SSR1: variants seen among roughly 807,000 people sequenced by gnomAD.
SSR1 encodes the protein signal sequence receptor subunit 1.
In SSR1, 13 loss-of-function variants were observed where a neutral mutation model predicts 36.1. The observed-to-expected ratio is 0.36, with a 90% CI of 0.23 to 0.57. The LOEUF (loss-of-function observed/expected upper bound fraction) is 0.57. Among genes scored for constraint, SSR1 ranks in the 20% least tolerant of loss-of-function variants. SSR1 has a pLI of 0.81. For synonymous variants in SSR1, 113 were observed against 118.9 expected, an observed-to-expected ratio of 0.95 and a Z score of 0.32; for missense variants, 291 against 338.5, an observed-to-expected ratio of 0.86 and a Z score of 1.10.
In SSR1 at chr6:7,303,590, T is replaced by A. The variant is rs1221331914; in HGVS notation, c.240A>T (p.Ser80=). The A allele has an allele frequency of 6.2e-7, 1 of 1,613,462 alleles. No homozygotes were observed. The highest frequency in any genetic ancestry group is 8.5e-7 in the Non-Finnish European group (1 of 1,179,840). ...EEDVSGEPEA[S]PSADTTILFV... Reference sequence around the variant, plus strand: ...ACAGTATAGTTGTATCTGCACTCGGTGAAGCTTCAGGTTCACCAGACACAT... The same window carrying A: ...ACAGTATAGTTGTATCTGCACTCGGAGAAGCTTCAGGTTCACCAGACACAT... The change falls in exon 3 of 8, where the codon TCA becomes TCT. Residue 80 remains serine, a synonymous_variant. Transcript: ENST00000244763.
At position 7,284,599 on chromosome 6, in the gene SSR1, C is replaced by G. The variant is rs992170685; in HGVS notation, c.*5265G>C. 6.6e-6 allele frequency: 1 copy of G among 152,134 alleles called. No homozygotes were observed. Among genetic ancestry groups the G allele is most frequent in the Admixed American group, 6.5e-5 (1 of 15,274 alleles). The allele number at this position is 152,134 out of a possible 1,614,324, so 9.4% of individuals were successfully genotyped here. ...AGGCAATGTTCTAAGCAGCTACACACAGTAACTCCTAACAACCTTAGGAGG... is the reference window on the plus strand; with the variant it reads ...AGGCAATGTTCTAAGCAGCTACACAGAGTAACTCCTAACAACCTTAGGAGG... On this transcript the variant is annotated 3_prime_UTR_variant, in exon 8 of 8. Transcript: ENST00000244763.
chr6:7,313,113 A>C lies in SSR1; in HGVS notation c.8T>G (p.Leu3Arg). Residue 3 changes from leucine to arginine, a missense_variant, in exon 1 of 8, where the codon CTC becomes CGC. Coordinates refer to ENST00000244763, the MANE Select transcript of SSR1 (RefSeq NM_003144.5). ...GAGAAGCAGCAGCAAGCGGGGGAGG[A>C]GTCTCATGGCGCTGCCGGTCCAGTG... MR[L>R]LPRLLLLLLL... The C allele has an allele frequency of 6.2e-7, 1 of 1,605,608 alleles. No individual in the cohort carries two copies. Among genetic ancestry groups the C allele is most frequent in the Non-Finnish European group, 8.5e-7 (1 of 1,175,942 alleles).
At chr6:7,295,194 C>A (rs1757765636) in intron 7 of SSR1, 198 bp downstream of exon 7, 1 of 1,394,714 alleles carries the variant, frequency 7.2e-7, no homozygotes, top group Admixed American at 2.7e-5. Context: ...GGAAGAATTT[C>A]CAAATTAAAG....
Position 7,281,737 on chromosome 6 carries a change from T to C in SSR1, c.*8127A>G, listed in dbSNP as rs576662056. 1 of 152,336 alleles carries C rather than the reference T, an allele frequency of 6.6e-6. No homozygotes were observed. Among genetic ancestry groups the C allele is most frequent in the African/African-American group, 2.4e-5 (1 of 41,578 alleles). 9.4% of individuals were successfully genotyped at this position (152,336 alleles called of 1,614,324 possible). A position where few individuals can be genotyped will look rare whatever the true frequency, so the allele number is the denominator to read the frequency against. Reference sequence around the variant, plus strand: ...GATTTCAGGTTGGATAAACGAGTCATGTTGAATGACAAAAAGTTAGACTGG... The same window carrying C: ...GATTTCAGGTTGGATAAACGAGTCACGTTGAATGACAAAAAGTTAGACTGG... On this transcript the variant is annotated 3_prime_UTR_variant, in exon 8 of 8. Transcript: ENST00000244763.
intron 2 of SSR1, among the ~76,000 whole-genome samples, chr6:7,309,500 T>C (rs911072004): frequency 7.4e-6 from 1 of 135,380 alleles, no homozygotes; most frequent in Non-Finnish European, 1.6e-5. Flanking sequence ...AGATGTACTA[T>C]TGATAACGGT....
At chr6:7,311,518 G>C (rs899533069) in intron 1 of SSR1, among the ~76,000 whole-genome samples, 1 of 152,312 alleles carries the variant, frequency 6.6e-6, no homozygotes, top group African/African-American at 2.4e-5. Context: ...ATGAACTAAA[G>C]AGATTTCACT....
Position 7,289,730 on chromosome 6 carries a change from AC to A in SSR1, c.*133del. 1 of 738,308 alleles carries A rather than the reference AC, an allele frequency of 1.4e-6. No homozygotes were observed. The highest frequency in any genetic ancestry group is 1.9e-5 in the South Asian group (1 of 51,668). 45.7% of individuals were successfully genotyped at this position (738,308 alleles called of 1,614,324 possible). A position where few individuals can be genotyped will look rare whatever the true frequency, so the allele number is the denominator to read the frequency against. ...ATTTTCAGCAATATTATCGCCACAGACTCTGATTGCTCAGTCCACACACAAG... is the reference window on the plus strand; with the variant it reads ...ATTTTCAGCAATATTATCGCCACAGATCTGATTGCTCAGTCCACACACAAG... On this transcript the variant is annotated 3_prime_UTR_variant, in exon 8 of 8. Transcript: ENST00000244763.
intron 2 of SSR1, among the ~76,000 whole-genome samples, chr6:7,308,713 C>T (rs977504623): frequency 1.3e-5 from 2 of 150,972 alleles, no homozygotes; most frequent in Non-Finnish European, 2.9e-5. Flanking sequence ...TTGTCTGCTT[C>T]TCACCCCCTG....
chr6:7,308,739 T>C (rs1473277176), intron 2 of SSR1, among the ~76,000 whole-genome samples: 1 of 124,434 alleles, frequency 8.0e-6, no homozygotes, highest in South Asian at 2.4e-4. Flanking sequence ...AAAACACATA[T>C]AACTGCCCCA....
At chr6:7,309,632 G>A (rs1367736778) in intron 2 of SSR1, among the ~76,000 whole-genome samples, 2 of 152,222 alleles carry the variant, frequency 1.3e-5, no homozygotes, top group African/African-American at 4.8e-5. Flanking sequence ...CTGTTCTCGT[G>A]AAAGTGAGTT....
At chr6:7,299,554 C>T (rs1257527219) in intron 4 of SSR1, among the ~76,000 whole-genome samples, 1 of 151,874 alleles carries the variant, frequency 6.6e-6, no homozygotes, top group African/African-American at 2.4e-5. Context: ...CAAAATTAGC[C>T]GGGTATGGTT....
chr6:7,306,743 C>A (rs1014929209), intron 2 of SSR1, among the ~76,000 whole-genome samples: 3 of 151,572 alleles, frequency 2.0e-5, no homozygotes, highest in Admixed American at 6.6e-5. Context: ...GGTGAAACCC[C>A]GTCTCTACTA....
In SSR1 at chr6:7,313,197, T is replaced by G; in HGVS notation, c.-77A>C. 7.3e-7 allele frequency: 1 copy of G among 1,366,364 alleles called. No individual in the cohort carries two copies. The highest frequency in any genetic ancestry group is 1.0e-6 in the Non-Finnish European group (1 of 1,004,290). The allele number at this position is 1,366,364 out of a possible 1,614,324, so 84.6% of individuals were successfully genotyped here. ...CCGGCGGTAATGGCGTTACTCTTCA[T>G]CCGGGCTCCGGGCAGCGAGGGGCGG... On this transcript the variant is annotated 5_prime_UTR_variant, in exon 1 of 8. An upstream start codon of the reference 5' UTR is lost. Coordinates refer to ENST00000244763, the MANE Select transcript of SSR1 (RefSeq NM_003144.5).
chr6:7,289,917 T>C lies in SSR1; in HGVS notation c.808A>G (p.Arg270Gly), dbSNP rs1387998901. Reference protein sequence around the residue: ...TLNQINKASPRRLPRKRAQKR... With the variant: ...TLNQINKASPGRLPRKRAQKR... Reference sequence around the variant, plus strand: ...TGTGCCCGTTTCCTGGGCAACCTTCTTGGTGAAGCTTTATCTGGAAGAAAA... The same window carrying C: ...TGTGCCCGTTTCCTGGGCAACCTTCCTGGTGAAGCTTTATCTGGAAGAAAA... Residue 270 changes from arginine (R) to glycine (G), a missense_variant, in exon 8 of 8, where the codon AGA becomes GGA. Transcript: ENST00000244763. The C allele has an allele frequency of 1.3e-6, 2 of 1,542,280 alleles. No homozygotes were observed. Among genetic ancestry groups the C allele is most frequent in the Non-Finnish European group, 1.7e-6 (2 of 1,155,768 alleles).
chr6:7,306,945 G>T (rs1258217686), intron 2 of SSR1, among the ~76,000 whole-genome samples: 2 of 109,058 alleles, frequency 1.8e-5, no homozygotes, highest in East Asian at 5.6e-4. Flanking sequence ...GAAAGCCCAA[G>T]GTGACTTAAA....
intron 3 of SSR1, among the ~76,000 whole-genome samples, chr6:7,302,316 CTATT>C (rs1353617997): frequency 2.6e-5 from 4 of 152,230 alleles, no homozygotes; most frequent in African/African-American, 9.6e-5. Flanking sequence ...GTTCTCCAAT[CTATT>C]TATGAACTGG....
chr6:7,308,072 T>C (rs543473502), intron 2 of SSR1, among the ~76,000 whole-genome samples: 3 of 152,330 alleles, frequency 2.0e-5, no homozygotes, highest in African/African-American at 7.2e-5. Flanking sequence ...AATGTATTAA[T>C]CTAGTTAAAG....
chr6:7,312,989 A>G, intron 1 of SSR1, 53 bp downstream of exon 1: 1 of 1,542,536 alleles, frequency 6.5e-7, no homozygotes, highest in Non-Finnish European at 8.8e-7. Context: ...CAAACTTGCC[A>G]TCACTGGCAT....
At chr6:7,312,336 A>G (rs1758214127) in intron 1 of SSR1, among the ~76,000 whole-genome samples, 1 of 152,202 alleles carries the variant, frequency 6.6e-6, no homozygotes, top group African/African-American at 2.4e-5. Flanking sequence ...CAAACAAAAA[A>G]TTGTTCCATG....
Sources: allele counts gnomAD v4.1 joint callset (sites outside exome capture counted in the v4.1 genomes callset), GRCh38; gene constraint gnomAD v4.1.1; transcripts MANE v1.5; gene names NCBI Gene and HGNC (gene_info 2026-07-23, HGNC 2026-07-21).